GRIP1: variants seen among roughly 807,000 people sequenced by gnomAD.
The protein encoded by GRIP1 is glutamate receptor interacting protein 1.
Under a neutral mutation model 129.9 loss-of-function variants are expected in GRIP1, and 45 were observed. The observed-to-expected ratio is 0.35, with a 90% CI of 0.27 to 0.44. The LOEUF is 0.44. Among genes scored for constraint, GRIP1 ranks in the 20% least tolerant of loss-of-function variants. GRIP1 has a pLI of 1.00. For missense variants in GRIP1, 1,196 were observed against 1,396.8 expected, an observed-to-expected ratio of 0.86 and a Z score of 2.29; for synonymous variants, 530 against 520.8, an observed-to-expected ratio of 1.02 and a Z score of -0.24.
At chr12:67,054,369 T>C (rs183249224) in intron 1 of GRIP1, among the ~76,000 whole-genome samples, 16 of 152,314 alleles carry the variant, frequency 1.1e-4, no homozygotes, top group Admixed American at 3.9e-4. Flanking sequence ...ATTCCTGCTT[T>C]CAAGTGGCTT....
chr12:66,610,232 A>G (rs1592643196), intron 1 of GRIP1, among the ~76,000 whole-genome samples: 3 of 152,262 alleles, frequency 2.0e-5, no homozygotes, highest in African/African-American at 7.2e-5. Flanking sequence ...ACACGCATAT[A>G]TATATATAAA....
chr12:66,468,668 C>T (rs1217120115), intron 7 of GRIP1, among the ~76,000 whole-genome samples: 1 of 102,524 alleles, frequency 9.8e-6, no homozygotes, highest in Non-Finnish European at 1.9e-5. Context: ...TAAATATAAA[C>T]CCTTAAGTTA....
At chr12:66,934,494 A>G (rs892732596) in intron 1 of GRIP1, among the ~76,000 whole-genome samples, 17 of 152,230 alleles carry the variant, frequency 1.1e-4, no homozygotes, top group Non-Finnish European at 2.2e-4. Flanking sequence ...GGGGCGATAC[A>G]GTCCTGGTCC....
intron 23 of GRIP1, among the ~76,000 whole-genome samples, chr12:66,370,589 G>A (rs552040092): frequency 1.4e-4 from 21 of 152,268 alleles, no homozygotes; most frequent in Non-Finnish European, 2.2e-4. Context: ...GTAAGGTAAC[G>A]AATGTCTAGC....
chr12:66,949,741 A>G (rs931754200), intron 1 of GRIP1, among the ~76,000 whole-genome samples: 14 of 148,248 alleles, frequency 9.4e-5, no homozygotes, highest in African/African-American at 2.7e-4. Flanking sequence ...TTATGAACTG[A>G]TAACACTGCA....
At position 66,445,482 on chromosome 12, in the gene GRIP1, A is replaced by T. The variant is rs753454152; in HGVS notation, c.1381T>A (p.Leu461Met). 2.8e-5 allele frequency: 45 copies of T among 1,613,808 alleles called. No homozygotes were observed. The highest frequency in any genetic ancestry group is 3.6e-5 in the Non-Finnish European group (43 of 1,179,920). ...TCTGTGTGAACAACCTGCCCAGCCA[A>T]TCCTACTGTGCTGGAGGCTAAGGAC... Reference protein sequence around the residue: ...SLSLASSTVGLAGQVVHTETT... With the variant: ...SLSLASSTVGMAGQVVHTETT... Residue 461 changes from leucine to methionine, a missense_variant, in exon 12 of 25, where the codon TTG becomes ATG. This residue lies in a region of GRIP1 where 508 missense variants were observed against 587.0 expected (regional missense o/e 0.87). Coordinates refer to ENST00000359742, the MANE Select transcript of GRIP1 (RefSeq NM_001366722.1).
chr12:66,391,993 A>G (rs2137513116), intron 19 of GRIP1, among the ~76,000 whole-genome samples: 1 of 152,312 alleles, frequency 6.6e-6, no homozygotes, highest in South Asian at 2.1e-4. Context: ...GCCTGTATTG[A>G]ACGAGCCACT....
chr12:67,002,246 C>T (rs533950164), intron 1 of GRIP1, among the ~76,000 whole-genome samples: 1 of 152,264 alleles, frequency 6.6e-6, no homozygotes, highest in Admixed American at 6.5e-5. Flanking sequence ...CCACTCAAAA[C>T]ATAGTGTTTG....
intron 1 of GRIP1, among the ~76,000 whole-genome samples, chr12:66,790,700 G>T (rs952866994): frequency 6.6e-6 from 1 of 152,020 alleles, no homozygotes; most frequent in South Asian, 2.1e-4. Flanking sequence ...AACATATTTG[G>T]GTAGGAGCTA....
chr12:67,069,136 C>T (rs1038771487), exon 1 of GRIP1: 115 of 983,724 alleles, frequency 1.2e-4, no homozygotes, highest in Non-Finnish European at 1.3e-4. Flanking sequence ...CGCTGTCGGG[C>T]TCGCTCTTTC....
At position 66,646,070 on chromosome 12, in the gene GRIP1, A is replaced by G. The variant is rs565436508; in HGVS notation, c.55+32780T>C. Among the ~76,000 whole-genome samples the G allele has an allele frequency of 3.7e-4, 56 of 152,308 alleles. No individual in the cohort carries two copies. The highest frequency in any genetic ancestry group is 6.5e-4 in the Admixed American group (10 of 15,294). The stretch of plus-strand genomic sequence containing the variant: ...CTGACTCTGCCATGGCTTTCTCACA[A>G]TGGGCCACAATGTCCATTCATCTTT... On this transcript the variant is annotated intron_variant, in intron 1 of 24. Coordinates refer to ENST00000359742, the MANE Select transcript of GRIP1 (RefSeq NM_001366722.1).
intron 7 of GRIP1, among the ~76,000 whole-genome samples, chr12:66,472,332 G>T (rs1007905211): frequency 6.6e-6 from 1 of 152,128 alleles, no homozygotes; most frequent in Non-Finnish European, 1.5e-5. Flanking sequence ...AACCCCTTGG[G>T]ATCCCATGCC....
intron 1 of GRIP1, among the ~76,000 whole-genome samples, chr12:66,622,065 T>C (rs1266252768): frequency 2.0e-5 from 3 of 152,204 alleles, no homozygotes; most frequent in Non-Finnish European, 4.4e-5. Flanking sequence ...CTGTCAATAA[T>C]GTACTTTGAT....
chr12:66,666,976 A>G (rs2033833035), intron 1 of GRIP1, among the ~76,000 whole-genome samples: 1 of 151,676 alleles, frequency 6.6e-6, no homozygotes, highest in African/African-American at 2.4e-5. Flanking sequence ...AGAAGTTCTT[A>G]GGATCTTCTC....
At chr12:66,649,024 T>C (rs2032584881) in intron 1 of GRIP1, among the ~76,000 whole-genome samples, 1 of 152,220 alleles carries the variant, frequency 6.6e-6, no homozygotes, top group South Asian at 2.1e-4. Flanking sequence ...CCGTATAGGC[T>C]CACAGGGGGT....
chr12:66,956,165 T>C (rs1016591244), intron 1 of GRIP1, among the ~76,000 whole-genome samples: 13 of 152,220 alleles, frequency 8.5e-5, no homozygotes, highest in Admixed American at 7.2e-4. Context: ...AATGTCCTTT[T>C]CCACTCCTGG....
In GRIP1 at chr12:66,348,752, T is replaced by C; in HGVS notation, c.*267A>G. 2.1e-6 allele frequency: 1 copy of C among 469,170 alleles called. No individual in the cohort carries two copies. The highest frequency in any genetic ancestry group is 3.5e-5 in the East Asian group (1 of 28,392). The allele number at this position is 469,170 out of a possible 1,614,324, so 29.1% of individuals were successfully genotyped here. On this transcript the variant is annotated 3_prime_UTR_variant, in exon 25 of 25. Transcript: ENST00000359742. Reference sequence around the variant, plus strand: ...AAAAAATTTCCTCTGATGTTAATTGTAGAGTTGTGGGGGACGGCCTATTTT... The same window carrying C: ...AAAAAATTTCCTCTGATGTTAATTGCAGAGTTGTGGGGGACGGCCTATTTT...
Position 66,884,878 on chromosome 12 carries a change from T to C in GRIP1, c.58+184172A>G, listed in dbSNP as rs193133646. On this transcript the variant is annotated intron_variant, in intron 1 of 1. Coordinates refer to the GRIP1 transcript ENST00000643019. ...TTCTCCACTCTTTGAAGCTGAGGCA[T>C]CCATTTCTTAAATGAGAGGACAGGG... Among the ~76,000 whole-genome samples, 643 of 152,316 alleles carry C rather than the reference T, an allele frequency of 4.2e-3. 4 individuals carry two copies. Among genetic ancestry groups the C allele is most frequent in the African/African-American group, 0.015 (624 of 41,570 alleles).
At chr12:66,940,370 G>C (rs946417030) in intron 1 of GRIP1, among the ~76,000 whole-genome samples, 4 of 152,164 alleles carry the variant, frequency 2.6e-5, no homozygotes, top group Non-Finnish European at 5.9e-5. Context: ...GGTGCGCTCA[G>C]TGAGTGTTAC....
Sources: gnomAD v4.1 joint callset for allele counts (sites outside exome capture counted in the v4.1 genomes callset) on GRCh38, gnomAD v4.1.1 for gene constraint, gnomAD v4.1.1 regional missense constraint, MANE v1.5 for transcripts, NCBI Gene and HGNC (gene_info 2026-07-23, HGNC 2026-07-21) for gene names.